SEC24B: variants seen among roughly 807,000 people sequenced by gnomAD.
SEC24B encodes the protein SEC24 homolog B, COPII component, also known as protein transport protein Sec24B.
In SEC24B, 45 loss-of-function variants were observed where a neutral mutation model predicts 142.8. The ratio of observed to expected loss-of-function variants is 0.32; its 90% CI spans 0.25 to 0.40. SEC24B has a LOEUF of 0.40. Among genes scored for constraint, SEC24B ranks in the 10% least tolerant of loss-of-function variants. The pLI is 1.00. For missense variants in SEC24B, 1,409 were observed against 1,526.8 expected, an observed-to-expected ratio of 0.92 and a Z score of 1.29; for synonymous variants, 574 against 568.2, an observed-to-expected ratio of 1.01 and a Z score of -0.15.
chr4:109,521,132 C>A lies in SEC24B; in HGVS notation c.2261C>A (p.Thr754Lys). ...TTCCCTATAGATGTTTTTCTACCTA[C>A]ACCGGATAGTTTACTTGTGAATCTA... is the stretch of plus-strand genomic sequence containing the variant. ...VSDIDDVFLP[T>K]PDSLLVNLYE... The change falls in exon 13 of 24, where the codon ACA becomes AAA. Residue 754 changes from threonine to lysine, a missense_variant. Coordinates refer to ENST00000265175, the MANE Select transcript of SEC24B (RefSeq NM_006323.5). 2 of 1,514,766 alleles carry A rather than the reference C, an allele frequency of 1.3e-6. No individual in the cohort carries two copies. The highest frequency in any genetic ancestry group is 1.8e-6 in the Non-Finnish European group (2 of 1,093,822). 93.8% of individuals were successfully genotyped at this position (1,514,766 alleles called of 1,614,324 possible). A position where few individuals can be genotyped will look rare whatever the true frequency, so the allele number is the denominator to read the frequency against.
chr4:109,499,168 G>A (rs1370316667), intron 6 of SEC24B, among the ~76,000 whole-genome samples: 1 of 152,148 alleles, frequency 6.6e-6, no homozygotes, highest in African/African-American at 2.4e-5. Flanking sequence ...GGGAAGCCAG[G>A]CAAGAAGCTG....
chr4:109,436,821 G>A (rs555222844), intron 1 of SEC24B, among the ~76,000 whole-genome samples: 1 of 152,366 alleles, frequency 6.6e-6, no homozygotes, highest in African/African-American at 2.4e-5. Flanking sequence ...CTTCTGGGTT[G>A]CTGAACATGT....
Position 109,531,369 on chromosome 4 carries a change from A to T in SEC24B, c.3253-16A>T, listed in dbSNP as rs112750595. 45 of 1,592,326 alleles carry T rather than the reference A, an allele frequency of 2.8e-5. No individual in the cohort carries two copies. Among genetic ancestry groups the T allele is most frequent in the Non-Finnish European group, 3.9e-5 (45 of 1,167,264 alleles). On this transcript the variant is annotated splice_polypyrimidine_tract_variant and intron_variant, in intron 19 of 23. Coordinates refer to ENST00000265175, the MANE Select transcript of SEC24B (RefSeq NM_006323.5). ...ATTTGTATTTTACTTGAAAACGTTT[A>T]TCTTTTTCCTTGTAGAAAGCATTTA...
intron 3 of SEC24B, among the ~76,000 whole-genome samples, chr4:109,479,964 T>C (rs1231373774): frequency 1.3e-5 from 2 of 152,240 alleles, no homozygotes; most frequent in African/African-American, 4.8e-5. Flanking sequence ...TTAAGTTTGT[T>C]TCTTGCATTA....
chr4:109,528,207 G>A (rs1724474809), intron 18 of SEC24B, among the ~76,000 whole-genome samples: 2 of 152,126 alleles, frequency 1.3e-5, no homozygotes, highest in Non-Finnish European at 1.5e-5. Context: ...GATCACTTGA[G>A]GTGAGGAGTT....
At chr4:109,456,235 T>G (rs1730651994) in intron 1 of SEC24B, among the ~76,000 whole-genome samples, 1 of 152,078 alleles carries the variant, frequency 6.6e-6, no homozygotes, top group African/African-American at 2.4e-5. Context: ...TTCTATGACC[T>G]TGATAAACTC....
chr4:109,514,147 C>T (rs1005089262), intron 10 of SEC24B, among the ~76,000 whole-genome samples: 6 of 152,090 alleles, frequency 3.9e-5, no homozygotes, highest in African/African-American at 1.4e-4. Context: ...TATAGATACC[C>T]TTTTACCATT....
chr4:109,505,825 A>C (rs79316545), intron 6 of SEC24B, among the ~76,000 whole-genome samples: 1 of 152,230 alleles, frequency 6.6e-6, no homozygotes, highest in African/African-American at 2.4e-5. Flanking sequence ...TTCACTGGCT[A>C]AAGATTGGGT....
At chr4:109,487,381 A>T (rs1047233088) in intron 4 of SEC24B, among the ~76,000 whole-genome samples, 1 of 152,172 alleles carries the variant, frequency 6.6e-6, no homozygotes, top group Non-Finnish European at 1.5e-5. Context: ...TTGGGTCAAG[A>T]GTCAGAAGTT....
At chr4:109,477,790 T>C (rs1475342052) in intron 3 of SEC24B, among the ~76,000 whole-genome samples, 2 of 152,158 alleles carry the variant, frequency 1.3e-5, no homozygotes, top group South Asian at 4.1e-4. Flanking sequence ...AAATATTTTT[T>C]TGTTAAAAGG....
rs140688911 is a variant in SEC24B, at chr4:109,517,356, T to A, written c.2126+716T>A. 3.9e-5 allele frequency among the ~76,000 whole-genome samples: 6 copies of A among 152,318 alleles called. 1 individual carries two copies. The highest frequency in any genetic ancestry group is 1.4e-4 in the African/African-American group (6 of 41,586). On this transcript the variant is annotated intron_variant, in intron 11 of 23. Coordinates refer to ENST00000265175, the MANE Select transcript of SEC24B (RefSeq NM_006323.5). Reference sequence around the variant, plus strand: ...TAAACCTGGAGGTCATTACGTTAAGTGAAATCAGAACAGATATTGCGTGTT... The same window carrying A: ...TAAACCTGGAGGTCATTACGTTAAGAGAAATCAGAACAGATATTGCGTGTT...
At chr4:109,532,803 A>T in intron 21 of SEC24B, 60 bp downstream of exon 21, 1 of 824,002 alleles carries the variant, frequency 1.2e-6, no homozygotes, top group East Asian at 2.6e-5. Context: ...ACAAAGAAAC[A>T]CTTATAGGGT....
intron 13 of SEC24B, 76 bp from the exon 14 acceptor site, chr4:109,521,344 A>G (rs1413163047): frequency 3.1e-6 from 4 of 1,273,048 alleles, no homozygotes; most frequent in Non-Finnish European, 3.4e-6. Context: ...GACACATGAT[A>G]CACTATGGAA....
At chr4:109,517,042 A>C (rs1270085585) in intron 11 of SEC24B, among the ~76,000 whole-genome samples, 1 of 152,232 alleles carries the variant, frequency 6.6e-6, no homozygotes, top group South Asian at 2.1e-4. Context: ...TAGTACAGCC[A>C]TTATAGAAAA....
chr4:109,490,782 GTTAT>G (rs1734941335), intron 4 of SEC24B, among the ~76,000 whole-genome samples: 1 of 152,030 alleles, frequency 6.6e-6, no homozygotes. Context: ...TATGGCAGGT[GTTAT>G]TTAATCTCTA....
At chr4:109,496,168 A>G (rs1459679910) in intron 6 of SEC24B, among the ~76,000 whole-genome samples, 1 of 151,426 alleles carries the variant, frequency 6.6e-6, no homozygotes, top group Non-Finnish European at 1.5e-5. Context: ...GCTGGAGTGC[A>G]GTGGCGCTAT....
At position 109,531,427 on chromosome 4, in the gene SEC24B, G is replaced by C. The variant is rs544664623; in HGVS notation, c.3295G>C (p.Val1099Leu). 4 of 1,613,306 alleles carry C rather than the reference G, an allele frequency of 2.5e-6. No homozygotes were observed. Among genetic ancestry groups the C allele is most frequent in the Non-Finnish European group, 3.4e-6 (4 of 1,179,390 alleles). The change falls in exon 20 of 24, where the codon GTA becomes CTA. Residue 1099 changes from valine to leucine, a missense_variant. Transcript: ENST00000265175. ...TGTSTRLDDR[V>L]YAMCQIKSQP... ...TACAAGCACACGGCTGGATGATCGTGTATATGCCATGTGTCAGATAAAGTC... is the reference window on the plus strand; with the variant it reads ...TACAAGCACACGGCTGGATGATCGTCTATATGCCATGTGTCAGATAAAGTC...
intron 17 of SEC24B, 62 bp downstream of exon 17, chr4:109,526,461 C>A: frequency 7.8e-7 from 1 of 1,274,848 alleles, no homozygotes; most frequent in Non-Finnish European, 1.1e-6. Flanking sequence ...TTCACATGGC[C>A]TTTAGTGGAG....
chr4:109,529,667 T>G (rs1201204994), intron 18 of SEC24B, among the ~76,000 whole-genome samples: 1 of 152,190 alleles, frequency 6.6e-6, no homozygotes, highest in Non-Finnish European at 1.5e-5. Flanking sequence ...GTTTGAGTAA[T>G]GGAAACCTTC....
Sources: allele counts gnomAD v4.1 joint callset (sites outside exome capture counted in the v4.1 genomes callset), GRCh38; gene constraint gnomAD v4.1.1; transcripts MANE v1.5; gene names NCBI Gene and HGNC (gene_info 2026-07-23, HGNC 2026-07-21).